KIAA0753: variants seen among roughly 807,000 people sequenced by gnomAD.
KIAA0753 encodes the protein KIAA0753, also known as protein moonraker.
KIAA0753 carries 114 observed loss-of-function variants against 116.9 expected under a neutral mutation model. The observed-to-expected ratio is 0.98, with a 90% CI of 0.84 to 1.14. The LOEUF is 1.14. Among genes scored for constraint, KIAA0753 ranks in the 50% most tolerant of loss-of-function variants. The pLI is 0.00. For missense variants in KIAA0753, 1,156 were observed against 1,172.4 expected (o/e 0.99, Z 0.20); for synonymous variants, 405 against 413.1 (o/e 0.98, Z 0.24).
chr17:6,586,711 T>G (rs1968605128), intron 18 of KIAA0753, among the ~76,000 whole-genome samples: 1 of 152,250 alleles, frequency 6.6e-6, no homozygotes, highest in Non-Finnish European at 1.5e-5. Context: ...ACTGTCACCT[T>G]AAGCCTTTCC....
chr17:6,584,921 C>T (rs1968453995), intron 18 of KIAA0753, among the ~76,000 whole-genome samples: 1 of 152,180 alleles, frequency 6.6e-6, no homozygotes, highest in African/African-American at 2.4e-5. Flanking sequence ...CCCACCTCAG[C>T]CTCCTGAGTA....
At chr17:6,599,703 C>T (rs540688563) in intron 13 of KIAA0753, among the ~76,000 whole-genome samples, 5 of 152,180 alleles carry the variant, frequency 3.3e-5, no homozygotes, top group African/African-American at 1.2e-4. Context: ...TAGTTCTATG[C>T]TACTGAGATT....
intron 6 of KIAA0753, 92 bp downstream of exon 6, chr17:6,622,790 G>A: frequency 9.1e-7 from 1 of 1,096,672 alleles, no homozygotes; most frequent in South Asian, 1.3e-5. Context: ...TAATGGCTTT[G>A]TCTTGTATTC....
chr17:6,600,283 C>T (rs1209727070), intron 13 of KIAA0753, 97 bp downstream of exon 13: 2 of 894,782 alleles, frequency 2.2e-6, no homozygotes, highest in African/African-American at 1.7e-5. Context: ...CACAGAGACA[C>T]TTAGCCCTAT....
chr17:6,593,930 C>G (rs1969274577), intron 16 of KIAA0753, among the ~76,000 whole-genome samples: 1 of 152,154 alleles, frequency 6.6e-6, no homozygotes, highest in Non-Finnish European at 1.5e-5. Flanking sequence ...TATCATTATT[C>G]ACCTTCACCA....
chr17:6,584,458 T>G (rs1483515907), intron 18 of KIAA0753, among the ~76,000 whole-genome samples: 1 of 152,230 alleles, frequency 6.6e-6, no homozygotes, highest in Admixed American at 6.5e-5. Context: ...TGCTTCACTT[T>G]CTATATTCCT....
chr17:6,626,140 AGATTG>A (rs1328589635), intron 3 of KIAA0753, among the ~76,000 whole-genome samples: 1 of 152,226 alleles, frequency 6.6e-6, no homozygotes, highest in Non-Finnish European at 1.5e-5. Flanking sequence ...TATCTTGAAA[AGATTG>A]GTTCAAAGAA....
At chr17:6,634,227 G>C (rs12949767) in intron 2 of KIAA0753, among the ~76,000 whole-genome samples, 90,161 of 151,320 alleles carry the variant, frequency 0.6, 27,471 homozygotes, top group African/African-American at 0.75. Context: ...CCCAGCCTCC[G>C]AAGTAGCTGG....
At chr17:6,630,825 A>G (rs1971980399) in intron 2 of KIAA0753, among the ~76,000 whole-genome samples, 1 of 152,116 alleles carries the variant, frequency 6.6e-6, no homozygotes, top group Non-Finnish European at 1.5e-5. Flanking sequence ...AGAAAGCACT[A>G]TGCGCAAAAA....
chr17:6,630,252 A>G (rs1461234481), intron 2 of KIAA0753, among the ~76,000 whole-genome samples: 1 of 152,168 alleles, frequency 6.6e-6, no homozygotes, highest in Non-Finnish European at 1.5e-5. Flanking sequence ...GTTCAATCTC[A>G]TAACACAAAT....
chr17:6,614,351 CA>C (rs1342752376), intron 7 of KIAA0753, among the ~76,000 whole-genome samples: 12 of 151,956 alleles, frequency 7.9e-5, no homozygotes, highest in Non-Finnish European at 1.0e-4. Flanking sequence ...TTTATAAAAG[CA>C]AAAAACTGGG....
chr17:6,601,066 T>C (rs1259398586), intron 12 of KIAA0753: 2 of 152,730 alleles, frequency 1.3e-5, no homozygotes, highest in African/African-American at 4.8e-5. Context: ...AGTTGACTTC[T>C]AGGGCCAGCA....
intron 9 of KIAA0753, among the ~76,000 whole-genome samples, chr17:6,609,341 G>C (rs905025315): frequency 6.6e-6 from 1 of 152,158 alleles, no homozygotes; most frequent in East Asian, 1.9e-4. Flanking sequence ...CACGGCAAAC[G>C]AGCTCCCCTT....
intron 7 of KIAA0753, among the ~76,000 whole-genome samples, chr17:6,618,355 A>G (rs1309264735): frequency 6.6e-6 from 1 of 152,174 alleles, no homozygotes; most frequent in Non-Finnish European, 1.5e-5. Context: ...GAGCCATCCT[A>G]GCAAACCCCA....
chr17:6,578,555 G>C lies in KIAA0753; in HGVS notation c.*1192C>G, dbSNP rs192495401. On this transcript the variant is annotated 3_prime_UTR_variant, in exon 19 of 19. Coordinates refer to ENST00000361413, the MANE Select transcript of KIAA0753 (RefSeq NM_014804.3). ...AAATCAATTTTGCACAAATAAGTGT[G>C]ATCAAGCAGCTTAAATCACCTGAAA... The C allele has an allele frequency of 1.3e-5, 2 of 152,316 alleles. No homozygotes were observed. The highest frequency in any genetic ancestry group is 3.9e-4 in the East Asian group (2 of 5,186). The allele number at this position is 152,316 out of a possible 1,614,324, so 9.4% of individuals were successfully genotyped here.
intron 12 of KIAA0753, among the ~76,000 whole-genome samples, chr17:6,602,350 T>C (rs1215307549): frequency 2.0e-5 from 3 of 152,226 alleles, no homozygotes; most frequent in Non-Finnish European, 4.4e-5. Context: ...ATACTAACTA[T>C]AAATGGGAAA....
At chr17:6,626,921 G>A (rs1971703814) in intron 3 of KIAA0753, among the ~76,000 whole-genome samples, 5 of 152,146 alleles carry the variant, frequency 3.3e-5, no homozygotes, top group South Asian at 4.1e-4. Flanking sequence ...TCCCCTGGTC[G>A]CAGGGCTTCC....
chr17:6,589,839 T>C lies in KIAA0753; in HGVS notation c.2726A>G (p.Tyr909Cys). 6.2e-7 allele frequency: 1 copy of C among 1,614,068 alleles called. No homozygotes were observed. The highest frequency in any genetic ancestry group is 8.5e-7 in the Non-Finnish European group (1 of 1,179,978). Residue 909 changes from tyrosine (Y) to cysteine (C), a missense_variant, in exon 18 of 19, where the codon TAC becomes TGC. Tyr to Cys is a radical substitution (Grantham distance 194, BLOSUM62 -2). Coordinates refer to ENST00000361413, the MANE Select transcript of KIAA0753 (RefSeq NM_014804.3). ...IGDYCSRFEQ[Y>C]LRIISHEAVG... ...AGCCTCATGAGATATGATCCGAAGG[T>C]ACTGCTCAAAACGACTACAGTAGTC...
intron 2 of KIAA0753, among the ~76,000 whole-genome samples, chr17:6,631,994 T>C (rs1972045322): frequency 6.6e-6 from 1 of 152,002 alleles, no homozygotes; most frequent in Admixed American, 6.5e-5. Flanking sequence ...GTGATTCTAC[T>C]GCCTCGGCCT....
Sources: allele counts gnomAD v4.1 joint callset (sites outside exome capture counted in the v4.1 genomes callset), GRCh38; gene constraint gnomAD v4.1.1; transcripts MANE v1.5; gene names NCBI Gene and HGNC (gene_info 2026-07-23, HGNC 2026-07-21).